Variants in SYNDIG1L observed in about 807,000 individuals in gnomAD.
The protein encoded by SYNDIG1L is synapse differentiation inducing 1 like.
SYNDIG1L carries 13 observed loss-of-function variants against 20.1 expected under a neutral mutation model. The ratio of observed to expected loss-of-function variants is 0.65; its 90% CI spans 0.42 to 1.03. SYNDIG1L has a LOEUF of 1.03. SYNDIG1L is among the 50% of genes least tolerant of loss of function. The probability of loss-of-function intolerance (pLI) is 0.00; values close to 1 mark genes in which losing one functional copy is unlikely to be tolerated. For missense variants in SYNDIG1L, 294 were observed against 305.1 expected (o/e 0.96, Z 0.27); for synonymous variants, 128 against 129.3 (o/e 0.99, Z 0.07).
chr14:74,448,997 T>G, the SYNDIG1L span, among the ~76,000 whole-genome samples: 1 of 152,076 alleles, frequency 6.6e-6, no homozygotes. Context: ...TTTCGGAGGC[T>G]GAGACAGAAG....
At chr14:74,456,045 C>T in the SYNDIG1L span, among the ~76,000 whole-genome samples, 1 of 152,218 alleles carries the variant, frequency 6.6e-6, no homozygotes, top group Non-Finnish European at 1.5e-5. Context: ...GATTCCAAAT[C>T]CAATGATTTC....
At chr14:74,436,349 C>A in the SYNDIG1L span, among the ~76,000 whole-genome samples, 1 of 152,066 alleles carries the variant, frequency 6.6e-6, no homozygotes. Flanking sequence ...CTGCCTTAGC[C>A]TCCCAAAATG....
At chr14:74,445,759 GAGCCACTGTGCCC>G in the SYNDIG1L span, among the ~76,000 whole-genome samples, 30 of 152,324 alleles carry the variant, frequency 2.0e-4, no homozygotes, top group African/African-American at 4.6e-4. Flanking sequence ...TTACAGGCAT[GAGCCACTGTGCCC>G]AGCCTCTGAC....
the SYNDIG1L span, among the ~76,000 whole-genome samples, chr14:74,438,198 G>A: frequency 1.3e-5 from 2 of 152,172 alleles, no homozygotes; most frequent in Admixed American, 6.5e-5. Flanking sequence ...CATCCTAAGT[G>A]TGATCAATAA....
the SYNDIG1L span, among the ~76,000 whole-genome samples, chr14:74,463,864 G>C: frequency 6.6e-6 from 1 of 152,202 alleles, no homozygotes; most frequent in African/African-American, 2.4e-5. Context: ...AACCTGATCA[G>C]CCTGCTTTAG....
intron 2 of SYNDIG1L, 149 bp from the exon 3 acceptor site, chr14:74,408,138 C>T: frequency 2.1e-6 from 2 of 932,020 alleles, no homozygotes; most frequent in South Asian, 2.0e-5. Flanking sequence ...GTAGGCTGGC[C>T]TTGGCACTTT....
At chr14:74,460,809 G>A in the SYNDIG1L span, among the ~76,000 whole-genome samples, 3 of 152,204 alleles carry the variant, frequency 2.0e-5, no homozygotes, top group East Asian at 1.9e-4. Flanking sequence ...CAACAATGCC[G>A]GGCTAATTTT....
chr14:74,407,391 G>T lies in SYNDIG1L; in HGVS notation c.*144C>A. On this transcript the variant is annotated 3_prime_UTR_variant, in exon 4 of 4. Transcript: ENST00000331628. ...CAGAAGTGAAGGCTGAGCTCTGCAGGCTGTGGAATGGGGGTCTCCCCCTCA... is the reference window on the plus strand; with the variant it reads ...CAGAAGTGAAGGCTGAGCTCTGCAGTCTGTGGAATGGGGGTCTCCCCCTCA... 8.6e-7 allele frequency: 1 copy of T among 1,169,404 alleles called. No individual in the cohort carries two copies. Among genetic ancestry groups the T allele is most frequent in the Non-Finnish European group, 1.2e-6 (1 of 833,052 alleles). 72.4% of individuals were successfully genotyped at this position (1,169,404 alleles called of 1,614,324 possible). A position where few individuals can be genotyped will look rare whatever the true frequency, so the allele number is the denominator to read the frequency against.
the SYNDIG1L span, among the ~76,000 whole-genome samples, chr14:74,454,497 C>T: frequency 6.6e-6 from 1 of 152,158 alleles, no homozygotes; most frequent in Non-Finnish European, 1.5e-5. Context: ...CTCTAGTGGC[C>T]AGAGAGCAGC....
At chr14:74,448,664 CA>C in the SYNDIG1L span, among the ~76,000 whole-genome samples, 1 of 152,026 alleles carries the variant, frequency 6.6e-6, no homozygotes, top group Non-Finnish European at 1.5e-5. Flanking sequence ...TAAAAGGATT[CA>C]AGTCATATAA....
chr14:74,448,879 G>A, the SYNDIG1L span, among the ~76,000 whole-genome samples: 2 of 151,924 alleles, frequency 1.3e-5, no homozygotes, highest in Non-Finnish European at 1.5e-5. Context: ...GACCAGCCTG[G>A]GCAACATAGT....
the SYNDIG1L span, among the ~76,000 whole-genome samples, chr14:74,443,536 G>A: frequency 2.0e-5 from 3 of 152,208 alleles, no homozygotes; most frequent in African/African-American, 7.2e-5. Flanking sequence ...TGAAAGTCTT[G>A]AGAGGCTTAA....
chr14:74,409,448 C>T lies in SYNDIG1L; in HGVS notation c.297G>A (p.Glu99=). Residue 99 remains glutamate (E), a synonymous_variant, in exon 2 of 4, where the codon GAG becomes GAA. Transcript: ENST00000331628. The part of the protein sequence containing the change: ...TSFTEDREPQ[E]GPPEQPTGPG... The stretch of plus-strand genomic sequence containing the variant: ...GTCCTGTGGGCTGCTCTGGAGGCCC[C>T]TCCTGGGGCTCCCTGTCCTCTGTGA... The T allele has an allele frequency of 6.2e-7, 1 of 1,613,776 alleles. No homozygotes were observed.
chr14:74,417,551 C>T (rs2139627268), intron 1 of SYNDIG1L, among the ~76,000 whole-genome samples: 1 of 152,340 alleles, frequency 6.6e-6, no homozygotes, highest in Middle Eastern at 3.4e-3. Flanking sequence ...TATCTCAAAA[C>T]TTTACAACAA....
the SYNDIG1L span, among the ~76,000 whole-genome samples, chr14:74,435,082 C>CAAAAAA: frequency 1.8e-5 from 1 of 54,974 alleles, no homozygotes; most frequent in South Asian, 8.8e-4. Flanking sequence ...GACTCCGTCT[C>CAAAAAA]AAAAAAAAAA....
the SYNDIG1L span, among the ~76,000 whole-genome samples, chr14:74,433,749 A>G: frequency 6.6e-6 from 1 of 152,152 alleles, no homozygotes; most frequent in African/African-American, 2.4e-5. Flanking sequence ...TGCAGATGTG[A>G]AAACTGGGAC....
the SYNDIG1L span, among the ~76,000 whole-genome samples, chr14:74,448,032 G>A: frequency 2.0e-5 from 3 of 151,996 alleles, no homozygotes; most frequent in Non-Finnish European, 4.4e-5. Context: ...AGCCAACAAG[G>A]AGATAAAATA....
upstream of SYNDIG1L, among the ~76,000 whole-genome samples, chr14:74,428,151 C>T (rs370731499): frequency 1.1e-4 from 16 of 152,326 alleles, no homozygotes; most frequent in East Asian, 1.9e-4. Flanking sequence ...ATTGGCTGTG[C>T]GACCTTAGGC....
chr14:74,415,786 C>T (rs1430485024), intron 1 of SYNDIG1L, among the ~76,000 whole-genome samples: 2 of 152,006 alleles, frequency 1.3e-5, no homozygotes, highest in South Asian at 2.1e-4. Context: ...AGCGACCCTC[C>T]CACCTTGGCC....
Sources: gnomAD v4.1 joint callset for allele counts (sites outside exome capture counted in the v4.1 genomes callset) on GRCh38, gnomAD v4.1.1 for gene constraint, MANE v1.5 for transcripts, NCBI Gene and HGNC (gene_info 2026-07-23, HGNC 2026-07-21) for gene names.